Variants in CCBE1 observed in about 807,000 individuals in gnomAD.
CCBE1 encodes collagen and calcium binding EGF domains 1.
In CCBE1, 37 loss-of-function variants were observed where a neutral mutation model predicts 50.0. That is an observed-to-expected ratio of 0.74 (90% CI 0.57 to 0.97). The LOEUF (loss-of-function observed/expected upper bound fraction) is 0.97. Ranked by LOEUF, CCBE1 falls within the 50% of genes least tolerant of loss-of-function variation. CCBE1 has a pLI of 0.00. For missense variants in CCBE1, 538 were observed against 523.8 expected (o/e 1.03, Z -0.26); for synonymous variants, 234 against 203.7 (o/e 1.15, Z -1.27).
At chr18:59,571,825 C>A (rs781118785) in intron 2 of CCBE1, among the ~76,000 whole-genome samples, 3 of 152,170 alleles carry the variant, frequency 2.0e-5, no homozygotes, top group Non-Finnish European at 4.4e-5. Context: ...ATTAGAAATG[C>A]AAGTTCTCAG....
intron 2 of CCBE1, among the ~76,000 whole-genome samples, chr18:59,508,352 C>G (rs551006289): frequency 5.3e-5 from 8 of 151,474 alleles, no homozygotes; most frequent in Non-Finnish European, 1.2e-4. Flanking sequence ...AATCCCAGAA[C>G]TTTGGGAGGC....
chr18:59,431,883 A>G lies in CCBE1; in HGVS notation c.*4025T>C, dbSNP rs1196078136. The G allele has an allele frequency of 2.0e-5, 3 of 152,248 alleles. No individual in the cohort carries two copies. Among genetic ancestry groups the G allele is most frequent in the Non-Finnish European group, 4.4e-5 (3 of 68,070 alleles). 9.4% of individuals were successfully genotyped at this position (152,248 alleles called of 1,614,324 possible). On this transcript the variant is annotated 3_prime_UTR_variant, in exon 11 of 11. Transcript: ENST00000439986. ...CAGCCCCACTCACTTTTGGCACAGT[A>G]TAGCTTATAATTTCTCCCTCTGGAA... is the stretch of plus-strand genomic sequence containing the variant.
At position 59,524,874 on chromosome 18, in the gene CCBE1, G is replaced by A. The variant is rs565914191; in HGVS notation, c.213-44636C>T. Among the ~76,000 whole-genome samples, 7 of 152,270 alleles carry A rather than the reference G, an allele frequency of 4.6e-5. No individual in the cohort carries two copies. The South Asian group carries it at 1.5e-3, about 32-fold the overall frequency. ...TGGTTTTCTGTTCCTGTGTTAGTTT[G>A]CTGAGGATAATGGCTTCCAGCTCCA... is the stretch of plus-strand genomic sequence containing the variant. On this transcript the variant is annotated intron_variant, in intron 2 of 10. Transcript: ENST00000439986.
chr18:59,522,747 T>C (rs1191464683), intron 2 of CCBE1, among the ~76,000 whole-genome samples: 1 of 152,118 alleles, frequency 6.6e-6, no homozygotes, highest in Non-Finnish European at 1.5e-5. Context: ...CCCAGCACTT[T>C]GGGAGGCCGA....
At chr18:59,509,830 A>G (rs1914054589) in intron 2 of CCBE1, among the ~76,000 whole-genome samples, 2 of 152,040 alleles carry the variant, frequency 1.3e-5, no homozygotes, top group Admixed American at 6.6e-5. Flanking sequence ...TAAATTACTC[A>G]TTATTAATGA....
At chr18:59,452,077 G>A (rs1280090261) in intron 6 of CCBE1, among the ~76,000 whole-genome samples, 2 of 152,204 alleles carry the variant, frequency 1.3e-5, no homozygotes, top group East Asian at 3.8e-4. Context: ...CCTGCAGACT[G>A]CCGGAACCCA....
chr18:59,557,234 T>C (rs2052668012), intron 2 of CCBE1, among the ~76,000 whole-genome samples: 1 of 152,228 alleles, frequency 6.6e-6, no homozygotes, highest in African/African-American at 2.4e-5. Flanking sequence ...GATGCTAGCT[T>C]GTCCTCCAGA....
intron 3 of CCBE1, among the ~76,000 whole-genome samples, chr18:59,473,459 A>G (rs1014169359): frequency 5.3e-5 from 8 of 152,154 alleles, no homozygotes; most frequent in African/African-American, 1.9e-4. Flanking sequence ...GGAAATTAAT[A>G]TCCTTCAATT....
chr18:59,570,759 G>T (rs143965213), intron 2 of CCBE1, among the ~76,000 whole-genome samples: 46 of 152,310 alleles, frequency 3.0e-4, no homozygotes, highest in African/African-American at 1.0e-3. Flanking sequence ...GAGGTTTTCA[G>T]AAAGGACAAA....
At chr18:59,498,707 T>C (rs190816619) in intron 2 of CCBE1, among the ~76,000 whole-genome samples, 34 of 152,308 alleles carry the variant, frequency 2.2e-4, no homozygotes, top group Non-Finnish European at 5.9e-5. Flanking sequence ...TTCCGTGCCT[T>C]GTTGCTTTCT....
chr18:59,659,891 C>T (rs563746123), intron 2 of CCBE1, among the ~76,000 whole-genome samples: 9 of 152,268 alleles, frequency 5.9e-5, no homozygotes, highest in African/African-American at 1.7e-4. Flanking sequence ...GCTCAGAGGT[C>T]CCCCCTCCCA....
intron 2 of CCBE1, among the ~76,000 whole-genome samples, chr18:59,557,417 C>T (rs2052669936): frequency 6.6e-6 from 1 of 152,050 alleles, no homozygotes; most frequent in African/African-American, 2.4e-5. Flanking sequence ...AACTTCAGGC[C>T]GATTCTCACT....
At chr18:59,587,395 T>C (rs1038200285) in intron 2 of CCBE1, among the ~76,000 whole-genome samples, 2 of 152,122 alleles carry the variant, frequency 1.3e-5, no homozygotes, top group Non-Finnish European at 2.9e-5. Context: ...ATCATAATCA[T>C]CTCAACAGGT....
intron 2 of CCBE1, among the ~76,000 whole-genome samples, chr18:59,560,612 G>GA (rs1568206715): frequency 3.3e-5 from 5 of 151,888 alleles, no homozygotes; most frequent in Admixed American, 1.3e-4. Flanking sequence ...AACTTAAAAA[G>GA]AAAAAAAGAC....
chr18:59,458,126 A>G (rs1009675083), intron 5 of CCBE1, among the ~76,000 whole-genome samples: 3 of 4,958 alleles, frequency 6.1e-4, no homozygotes, highest in Admixed American at 0.01. Context: ...CCATCAATCC[A>G]TCCATCCATC....
chr18:59,516,059 A>G (rs1438750515), intron 2 of CCBE1, among the ~76,000 whole-genome samples: 6 of 152,082 alleles, frequency 3.9e-5, no homozygotes, highest in African/African-American at 1.4e-4. Context: ...CCTGGGTTCA[A>G]GCGATTCTTT....
chr18:59,462,425 AG>A (rs1911530381), intron 5 of CCBE1: 1 of 151,082 alleles, frequency 6.6e-6, no homozygotes, highest in African/African-American at 2.4e-5. Context: ...TTTTTTTTTG[AG>A]ACAGGGTGGA....
chr18:59,613,289 AAT>A (rs2053596616), intron 2 of CCBE1, among the ~76,000 whole-genome samples: 1 of 152,114 alleles, frequency 6.6e-6, no homozygotes, highest in Non-Finnish European at 1.5e-5. Context: ...CAAACAGCAA[AAT>A]ATGTTTTCTG....
At chr18:59,664,235 A>T (rs2054322625) in intron 2 of CCBE1, among the ~76,000 whole-genome samples, 1 of 151,980 alleles carries the variant, frequency 6.6e-6, no homozygotes. Flanking sequence ...TGACCTAATC[A>T]CCTCCCACAG....
Sources: allele counts gnomAD v4.1 joint callset (sites outside exome capture counted in the v4.1 genomes callset), GRCh38; gene constraint gnomAD v4.1.1; transcripts MANE v1.5; gene names NCBI Gene and HGNC (gene_info 2026-07-23, HGNC 2026-07-21).